TMEM45A: variants seen among roughly 807,000 people sequenced by gnomAD.
The protein encoded by TMEM45A is DNA polymerase-transactivated protein 4.
Under a neutral mutation model 32.0 loss-of-function variants are expected in TMEM45A, and 25 were observed. That is an observed-to-expected ratio of 0.78 (90% CI 0.57 to 1.09). TMEM45A has a LOEUF of 1.09. Among genes scored for constraint, TMEM45A ranks in the 50% least tolerant of loss-of-function variants. The probability of loss-of-function intolerance (pLI) is 0.00; values close to 1 mark genes in which losing one functional copy is unlikely to be tolerated. For missense variants in TMEM45A, 302 were observed against 325.0 expected (o/e 0.93, Z 0.54); for synonymous variants, 122 against 114.8 (o/e 1.06, Z -0.40).
Position 100,561,798 on chromosome 3 carries a change from T to C in TMEM45A, c.588+3209T>C, listed in dbSNP as rs140151001. Among the ~76,000 whole-genome samples, 7 of 152,302 alleles carry C rather than the reference T, an allele frequency of 4.6e-5. No homozygotes were observed. In the South Asian group the frequency reaches 1.0e-3, roughly 23 times the overall value. On this transcript the variant is annotated intron_variant, in intron 4 of 5. Transcript: ENST00000323523. ...CCTGCTGTCTTTGCTTCTTGTTTTT[T>C]AGGACAGTTGCTTCCACTGCATCTC...
intron 1 of TMEM45A, chr3:100,519,369 TTGTGTG>T (rs921350088): frequency 2.1e-5 from 11 of 519,030 alleles, no homozygotes; most frequent in Non-Finnish European, 3.7e-5. Flanking sequence ...TGCATACAGG[TTGTGTG>T]TGTGTGTGTG....
chr3:100,572,105 G>A (rs531200254), intron 5 of TMEM45A: 1 of 152,170 alleles, frequency 6.6e-6, no homozygotes, highest in Admixed American at 6.5e-5. Context: ...AATCCTTTGG[G>A]TATATACCCA....
intron 1 of TMEM45A, among the ~76,000 whole-genome samples, chr3:100,534,834 G>T (rs911720495): frequency 6.6e-6 from 1 of 152,188 alleles, no homozygotes; most frequent in African/African-American, 2.4e-5. Context: ...ATGTCTTTAA[G>T]ATAAGCTGTT....
At position 100,577,028 on chromosome 3, in the gene TMEM45A, G is replaced by C; in HGVS notation, c.*10G>C. On this transcript the variant is annotated 3_prime_UTR_variant, in exon 6 of 6. Transcript: ENST00000323523. ...AGAAGAAGAAATGTGACTTTGATGA[G>C]CTTCCAGTTTTTCTAGATAAACCTT... 6.2e-7 allele frequency: 1 copy of C among 1,604,122 alleles called. No homozygotes were observed. The highest frequency in any genetic ancestry group is 8.5e-7 in the Non-Finnish European group (1 of 1,175,150).
chr3:100,496,501 G>T (rs1707930840), intron 1 of TMEM45A, among the ~76,000 whole-genome samples: 1 of 152,206 alleles, frequency 6.6e-6, no homozygotes, highest in Non-Finnish European at 1.5e-5. Context: ...GCTACCTTAG[G>T]TATAATACAG....
At chr3:100,561,437 C>T (rs1706328565) in intron 4 of TMEM45A, among the ~76,000 whole-genome samples, 1 of 152,054 alleles carries the variant, frequency 6.6e-6, no homozygotes, top group African/African-American at 2.4e-5. Context: ...TTGAAGGAAA[C>T]CAATACTCAG....
chr3:100,565,052 A>G (rs984734453), intron 4 of TMEM45A, among the ~76,000 whole-genome samples: 1 of 152,166 alleles, frequency 6.6e-6, no homozygotes, highest in Non-Finnish European at 1.5e-5. Context: ...GAGAAAGAAC[A>G]TGGAGTTTTT....
chr3:100,547,168 C>A (rs1705994315), intron 1 of TMEM45A, among the ~76,000 whole-genome samples: 1 of 152,198 alleles, frequency 6.6e-6, no homozygotes, highest in African/African-American at 2.4e-5. Flanking sequence ...GTTGCCCAGG[C>A]TGGAGTGCAG....
At chr3:100,506,418 G>C (rs1708081632) in intron 1 of TMEM45A, among the ~76,000 whole-genome samples, 1 of 152,080 alleles carries the variant, frequency 6.6e-6, no homozygotes, top group Non-Finnish European at 1.5e-5. Context: ...CCCCAAAATA[G>C]TAATGTAGTT....
At chr3:100,532,986 A>G (rs1237251590) in intron 1 of TMEM45A, among the ~76,000 whole-genome samples, 1 of 152,184 alleles carries the variant, frequency 6.6e-6, no homozygotes, top group Non-Finnish European at 1.5e-5. Flanking sequence ...TGTGAGTTGC[A>G]TTATAATCCC....
intron 1 of TMEM45A, among the ~76,000 whole-genome samples, chr3:100,547,440 T>C (rs1481512844): frequency 6.6e-6 from 1 of 152,000 alleles, no homozygotes; most frequent in East Asian, 1.9e-4. Flanking sequence ...ATTCTTACAA[T>C]AAAGTAAGCT....
intron 1 of TMEM45A, among the ~76,000 whole-genome samples, chr3:100,539,053 T>A (rs564358840): frequency 6.6e-6 from 1 of 152,292 alleles, no homozygotes; most frequent in African/African-American, 2.4e-5. Flanking sequence ...TTCAATGCAA[T>A]CCCAGTCAAA....
At chr3:100,533,885 G>A (rs1009486951) in intron 1 of TMEM45A, among the ~76,000 whole-genome samples, 1 of 152,146 alleles carries the variant, frequency 6.6e-6, no homozygotes, top group Non-Finnish European at 1.5e-5. Context: ...AATGTCAAGC[G>A]CACAGTGGTC....
At chr3:100,517,504 G>A (rs1343631788) in intron 1 of TMEM45A, among the ~76,000 whole-genome samples, 5 of 152,238 alleles carry the variant, frequency 3.3e-5, no homozygotes, top group Non-Finnish European at 7.3e-5. Context: ...CCACGTAAGG[G>A]TGTAAGTTCT....
intron 1 of TMEM45A, among the ~76,000 whole-genome samples, chr3:100,520,252 GAA>G (rs1455926078): frequency 6.6e-6 from 1 of 152,192 alleles, no homozygotes; most frequent in Non-Finnish European, 1.5e-5. Context: ...GTCTCATTGA[GAA>G]AGAGCTCCCC....
intron 5 of TMEM45A, chr3:100,572,119 A>G (rs1278601566): frequency 6.6e-6 from 1 of 152,226 alleles, no homozygotes; most frequent in Non-Finnish European, 1.5e-5. Flanking sequence ...ATACCCAGTA[A>G]TGGGATGGCT....
chr3:100,549,598 C>G (rs1706051633), intron 1 of TMEM45A, among the ~76,000 whole-genome samples: 1 of 152,138 alleles, frequency 6.6e-6, no homozygotes, highest in Non-Finnish European at 1.5e-5. Context: ...TGCATTGGAA[C>G]CTAGTCTGAA....
chr3:100,493,120 C>CTTTTTTTTTTTTTTTTTTTTTTTTTTTT (rs570241165), intron 1 of TMEM45A, among the ~76,000 whole-genome samples, 192 bp downstream of exon 1: 1 of 115,918 alleles, frequency 8.6e-6, no homozygotes, highest in Non-Finnish European at 1.8e-5. Flanking sequence ...GTTTGCTATT[C>CTTTTTTTTTTTTTTTTTTTTTTTTTTTT]TTTTTTTTTT....
intron 1 of TMEM45A, among the ~76,000 whole-genome samples, chr3:100,528,860 G>T (rs1311914969): frequency 1.3e-5 from 2 of 152,100 alleles, no homozygotes; most frequent in African/African-American, 2.4e-5. Flanking sequence ...CAGAGCCAAA[G>T]AAATAGCTTA....
Sources: allele counts gnomAD v4.1 joint callset (sites outside exome capture counted in the v4.1 genomes callset), GRCh38; gene constraint gnomAD v4.1.1; transcripts MANE v1.5; gene names NCBI Gene and HGNC (gene_info 2026-07-23, HGNC 2026-07-21).